The following ADGRD1 variants were observed in gnomAD, a reference collection of about 807,000 sequenced individuals.
ADGRD1 encodes adhesion G protein-coupled receptor D1.
Under a neutral mutation model 113.4 loss-of-function variants are expected in ADGRD1, and 77 were observed. The observed-to-expected ratio is 0.68, with a 90% confidence interval of 0.57 to 0.82. The LOEUF (loss-of-function observed/expected upper bound fraction) is 0.82, where lower values mean the gene tolerates loss of function less well. ADGRD1 is among the 40% of genes least tolerant of loss of function. The probability of loss-of-function intolerance (pLI) is 0.00; values close to 1 mark genes in which losing one functional copy is unlikely to be tolerated. For missense variants in ADGRD1, 1,036 were observed against 1,139.1 expected, an observed-to-expected ratio of 0.91 and a Z score of 1.30; for synonymous variants, 474 against 475.0, an observed-to-expected ratio of 1.00 and a Z score of 0.03.
chr12:131,044,054 T>C (rs1453148426), intron 13 of ADGRD1, among the ~76,000 whole-genome samples: 4 of 152,158 alleles, frequency 2.6e-5, no homozygotes, highest in Admixed American at 2.6e-4. Flanking sequence ...CCTCACACCG[T>C]GTAGGAACTC....
Position 131,118,376 on chromosome 12 carries a change from C to A in ADGRD1, c.2042-9C>A. On this transcript the variant is annotated splice_polypyrimidine_tract_variant and intron_variant, in intron 18 of 24. Coordinates refer to ENST00000261654, the MANE Select transcript of ADGRD1 (RefSeq NM_198827.5). ...GCAAGTGAACATGATATTCTCCAAT[C>A]TTCTGCAGGTTTTCCTCTTCTGATC... The A allele has an allele frequency of 1.2e-6, 2 of 1,601,892 alleles. No individual in the cohort carries two copies. Among genetic ancestry groups the A allele is most frequent in the South Asian group, 1.1e-5 (1 of 88,580 alleles).
chr12:130,987,804 A>C (rs12829182), intron 6 of ADGRD1: 17,536 of 192,002 alleles, frequency 0.091, 1,010 homozygotes, highest in Middle Eastern at 0.15. Context: ...ATTGTGCCAT[A>C]ATGAGCCGTG....
At chr12:130,998,112 G>A (rs578126927) in intron 8 of ADGRD1, among the ~76,000 whole-genome samples, 2 of 152,102 alleles carry the variant, frequency 1.3e-5, no homozygotes, top group South Asian at 2.1e-4. Flanking sequence ...GCAGTGAGCC[G>A]AGATGGCAGC....
intron 8 of ADGRD1, 90 bp downstream of exon 8, chr12:130,992,482 A>C: frequency 8.5e-7 from 1 of 1,180,514 alleles, no homozygotes. Context: ...GATCGAGTTT[A>C]AAAAAAGCAG....
intron 13 of ADGRD1, among the ~76,000 whole-genome samples, chr12:131,043,914 G>A (rs1490423371): frequency 6.6e-6 from 1 of 152,204 alleles, no homozygotes; most frequent in African/African-American, 2.4e-5. Flanking sequence ...TTCCCCATGA[G>A]GAGGGGGGTC....
In ADGRD1 at chr12:131,099,303, C is replaced by T. The variant is rs1950015838; in HGVS notation, c.1672-5528C>T. Among the ~76,000 whole-genome samples the T allele has an allele frequency of 2.0e-5, 3 of 152,200 alleles. No homozygotes were observed. The South Asian group carries it at 6.2e-4, about 31-fold the overall frequency. On this transcript the variant is annotated intron_variant, in intron 15 of 24. Transcript: ENST00000261654. ...ATTTCTCTCCCCCTCCTTCAGATCA[C>T]CCTCCCTCCCTTCCAGTTTCCTAAG... is the stretch of plus-strand genomic sequence containing the variant.
rs1869245302 is a variant in ADGRD1, at chr12:130,954,287, A to G, written c.-179A>G. 3 of 526,570 alleles carry G rather than the reference A, an allele frequency of 5.7e-6. No homozygotes were observed. In the African/African-American group the frequency reaches 5.8e-5, roughly 10 times the overall value. The allele number at this position is 526,570 out of a possible 1,614,324, so 32.6% of individuals were successfully genotyped here. On this transcript the variant is annotated 5_prime_UTR_variant, in exon 1 of 25. Transcript: ENST00000261654. The surrounding 1 kb of genome is among the most constrained non-coding windows in gnomAD (Gnocchi z 4.7). ...AGAATCTCAAGTTTTGAGACGAGGA[A>G]GAAACACCCATTAGGTCTCCAAGAC...
chr12:131,136,132 A>C lies in ADGRD1; in HGVS notation c.2363A>C (p.Gln788Pro). The change falls in exon 22 of 25, where the codon CAG becomes CCG. Residue 788 changes from glutamine (Q) to proline (P), a missense_variant. Gln to Pro is a moderately conservative substitution (Grantham distance 76). Coordinates refer to ENST00000261654, the MANE Select transcript of ADGRD1 (RefSeq NM_198827.5). Reference sequence around the variant, plus strand: ...GTCAACGGTTGTGCTGTGGTTTTCCAGTACATGTTTGCCACGCTCAACTCC... The same window carrying C: ...GTCAACGGTTGTGCTGTGGTTTTCCCGTACATGTTTGCCACGCTCAACTCC... ...LAVNGCAVVFQYMFATLNSLQ... is the reference protein window; with the variant it reads ...LAVNGCAVVFPYMFATLNSLQ... The C allele has an allele frequency of 6.2e-7, 1 of 1,614,124 alleles. No individual in the cohort carries two copies. Among genetic ancestry groups the C allele is most frequent in the Non-Finnish European group, 8.5e-7 (1 of 1,180,024 alleles).
At chr12:131,139,099 C>A (rs1593285322) in intron 24 of ADGRD1, 69 bp from the exon 25 acceptor site, 1 of 1,209,468 alleles carries the variant, frequency 8.3e-7, no homozygotes, top group Non-Finnish European at 1.2e-6. Flanking sequence ...ATGCTCCCCG[C>A]ACTCACTGGG....
chr12:131,058,772 C>T (rs865957459), intron 13 of ADGRD1, among the ~76,000 whole-genome samples: 1 of 152,224 alleles, frequency 6.6e-6, no homozygotes, highest in Non-Finnish European at 1.5e-5. Context: ...TCCTTTCTCT[C>T]TCCCTGCTTT....
intron 2 of ADGRD1, among the ~76,000 whole-genome samples, chr12:130,958,595 A>G (rs970278036): frequency 3.3e-5 from 5 of 152,180 alleles, no homozygotes; most frequent in African/African-American, 1.2e-4. Context: ...TGTGTGAAGC[A>G]GAATCTAGGG....
intron 4 of ADGRD1, among the ~76,000 whole-genome samples, chr12:130,975,145 G>C (rs888701480): frequency 6.6e-6 from 1 of 152,164 alleles, no homozygotes; most frequent in South Asian, 2.1e-4. Flanking sequence ...GCACTTGCTG[G>C]AATGTTCTGG....
chr12:131,058,014 ATAAGTAT>A lies in ADGRD1; in HGVS notation c.1474-18782_1474-18776del, dbSNP rs748409762. Among the ~76,000 whole-genome samples, 66 of 152,350 alleles carry A rather than the reference ATAAGTAT, an allele frequency of 4.3e-4. 1 individual carries two copies. In the Middle Eastern group the frequency reaches 0.01, roughly 24 times the overall value. Reference sequence around the variant, plus strand: ...TTAACCTTTGTAACTTTATTGGGAAATAAGTATTAAGAGAAGCAGACAGCAACTTCCT... The same window carrying A: ...TTAACCTTTGTAACTTTATTGGGAAATAAGAGAAGCAGACAGCAACTTCCT... On this transcript the variant is annotated intron_variant, in intron 13 of 24. Transcript: ENST00000261654.
intron 18 of ADGRD1, among the ~76,000 whole-genome samples, chr12:131,111,079 T>C (rs1355095429): frequency 6.6e-6 from 1 of 151,824 alleles, no homozygotes; most frequent in African/African-American, 2.4e-5. Flanking sequence ...TGTCTGGGTG[T>C]GTATCTCATT....
intron 2 of ADGRD1, chr12:130,956,776 T>C (rs1869641943): frequency 2.9e-5 from 4 of 138,520 alleles, no homozygotes; most frequent in Admixed American, 1.5e-4. Flanking sequence ...TTCTCACACA[T>C]GCACATGTGT....
In ADGRD1 at chr12:130,979,817, T is replaced by TCACACACACACACACA. The variant is rs10526212; in HGVS notation, c.311-2037_311-2022dup. On this transcript the variant is annotated intron_variant, in intron 4 of 24. Transcript: ENST00000261654. ...AGAATCCAGACAGGCAGCTAGTGTC[T>TCACACACACACACACA]CACACACACACACACACACACACAC... Among the ~76,000 whole-genome samples the TCACACACACACACACA allele has an allele frequency of 8.4e-3, 450 of 53,868 alleles. 1 individual carries two copies. Among genetic ancestry groups the TCACACACACACACACA allele is most frequent in the East Asian group, 0.02 (12 of 594 alleles). The allele number at this position is 53,868 out of a possible 152,430, so 35.3% of individuals were successfully genotyped here.
intron 13 of ADGRD1, among the ~76,000 whole-genome samples, chr12:131,054,954 G>A (rs1035160923): frequency 6.6e-6 from 1 of 152,214 alleles, no homozygotes; most frequent in Admixed American, 6.5e-5. Flanking sequence ...GCCAACGGGC[G>A]GTGAGTCCGG....
At position 131,010,740 on chromosome 12, in the gene ADGRD1, T is replaced by C. The variant is rs556752776; in HGVS notation, c.1332-3459T>C. On this transcript the variant is annotated intron_variant, in intron 12 of 24. Coordinates refer to ENST00000261654, the MANE Select transcript of ADGRD1 (RefSeq NM_198827.5). ...TTGAAGGAAGGCGGATTTGCAAAGG[T>C]GCAATCAGGAGTGGAGAGCTCTGGG... Among the ~76,000 whole-genome samples the C allele has an allele frequency of 1.3e-3, 192 of 152,150 alleles. 1 individual carries two copies. The highest frequency in any genetic ancestry group is 4.6e-3 in the African/African-American group (191 of 41,504).
chr12:131,081,230 A>C (rs116734503), intron 14 of ADGRD1, among the ~76,000 whole-genome samples: 124 of 152,212 alleles, frequency 8.1e-4, no homozygotes, highest in African/African-American at 2.9e-3. Flanking sequence ...TCTTTAATCC[A>C]GTCCTAAAAT....
Sources: gnomAD v4.1 joint callset for allele counts (sites outside exome capture counted in the v4.1 genomes callset) on GRCh38, gnomAD v4.1.1 for gene constraint, Gnocchi (gnomAD v3.1) non-coding constraint, MANE v1.5 for transcripts, NCBI Gene and HGNC (gene_info 2026-07-23, HGNC 2026-07-21) for gene names.